The following GSG1L variants were observed in gnomAD, a reference collection of about 807,000 sequenced individuals.
The protein encoded by GSG1L is germ cell-specific gene 1-like protein.
GSG1L carries 24 observed loss-of-function variants against 42.1 expected under a neutral mutation model. The observed-to-expected ratio is 0.57, with a 90% CI of 0.41 to 0.80. GSG1L has a LOEUF of 0.80. Ranked by LOEUF, GSG1L falls within the 30% of genes least tolerant of loss-of-function variation. The probability of loss-of-function intolerance (pLI) is 0.00; values close to 1 mark genes in which losing one functional copy is unlikely to be tolerated. For missense variants in GSG1L, 445 were observed against 472.2 expected (o/e 0.94, Z 0.53); for synonymous variants, 215 against 203.5 (o/e 1.06, Z -0.48).
At chr16:27,819,510 G>T (rs1191630388) in intron 5 of GSG1L, among the ~76,000 whole-genome samples, 1 of 152,166 alleles carries the variant, frequency 6.6e-6, no homozygotes, top group Non-Finnish European at 1.5e-5. Context: ...ACGCCAGGAG[G>T]GAGAACAGAC....
At chr16:27,994,562 A>T (rs1380591744) in intron 1 of GSG1L, among the ~76,000 whole-genome samples, 29 of 152,202 alleles carry the variant, frequency 1.9e-4, no homozygotes, top group Admixed American at 1.9e-3. Flanking sequence ...ATGTGCACAC[A>T]TGCACACACA....
chr16:28,020,315 G>C (rs2085827861), intron 1 of GSG1L, among the ~76,000 whole-genome samples: 1 of 152,124 alleles, frequency 6.6e-6, no homozygotes, highest in Non-Finnish European at 1.5e-5. Flanking sequence ...TTGTTATAAG[G>C]GGTGTCATTC....
At chr16:27,979,824 AAGAGAG>A (rs147059998) in intron 1 of GSG1L, among the ~76,000 whole-genome samples, 49 of 142,752 alleles carry the variant, frequency 3.4e-4, no homozygotes, top group Non-Finnish European at 3.8e-4. Flanking sequence ...AAAAGAAAGA[AAGAGAG>A]AGAGAGAGAG....
intron 2 of GSG1L, among the ~76,000 whole-genome samples, chr16:27,911,018 C>A (rs926809972): frequency 4.7e-5 from 7 of 149,712 alleles, no homozygotes; most frequent in African/African-American, 1.8e-4. Context: ...GTCTAAAAAA[C>A]AACAACAACA....
intron 1 of GSG1L, among the ~76,000 whole-genome samples, chr16:28,062,287 G>A (rs2086350323): frequency 6.6e-6 from 1 of 152,214 alleles, no homozygotes; most frequent in South Asian, 2.1e-4. Flanking sequence ...GGGTAGAGGA[G>A]GGGGTCCAGG....
chr16:27,908,632 T>C (rs1049355740), intron 2 of GSG1L, among the ~76,000 whole-genome samples: 1 of 152,174 alleles, frequency 6.6e-6, no homozygotes, highest in African/African-American at 2.4e-5. Context: ...CCTGCGTCCT[T>C]GCATGGCAGG....
chr16:27,872,505 C>T (rs973577473), intron 3 of GSG1L, among the ~76,000 whole-genome samples: 3 of 152,118 alleles, frequency 2.0e-5, no homozygotes, highest in Non-Finnish European at 4.4e-5. Flanking sequence ...TCCATCTTGA[C>T]GAGGGGCTGG....
chr16:27,938,013 T>C (rs555049585), intron 2 of GSG1L, among the ~76,000 whole-genome samples: 2 of 152,182 alleles, frequency 1.3e-5, no homozygotes, highest in Non-Finnish European at 1.5e-5. Flanking sequence ...ATGAAATCTC[T>C]AGGTCTCCTT....
Position 27,948,056 on chromosome 16 carries a change from C to T in GSG1L, c.397+15100G>A, listed in dbSNP as rs112393125. Among the ~76,000 whole-genome samples, 1,338 of 152,278 alleles carry T rather than the reference C, an allele frequency of 8.8e-3. 20 individuals carry two copies. The highest frequency in any genetic ancestry group is 0.03 in the African/African-American group (1,265 of 41,552). On this transcript the variant is annotated intron_variant, in intron 2 of 6. Coordinates refer to ENST00000447459, the MANE Select transcript of GSG1L (RefSeq NM_001109763.2). ...AGCCCTACCTGGCCGACACTTACCT[C>T]GCCCTTTCCTTTCACTGGATTTCAC...
At chr16:27,810,257 T>C (rs112781197) in intron 5 of GSG1L, among the ~76,000 whole-genome samples, 2,960 of 152,224 alleles carry the variant, frequency 0.019, 72 homozygotes, top group Admixed American at 0.075. Context: ...AGTGGGCAGA[T>C]TGCTTGAGCC....
At chr16:27,866,072 A>G (rs1043074041) in intron 3 of GSG1L, among the ~76,000 whole-genome samples, 3 of 150,260 alleles carry the variant, frequency 2.0e-5, no homozygotes, top group African/African-American at 7.4e-5. Flanking sequence ...GTATCTTTCT[A>G]TTTTCCACCT....
chr16:27,869,477 ATC>A (rs573479880), intron 3 of GSG1L, among the ~76,000 whole-genome samples: 54 of 128,202 alleles, frequency 4.2e-4, no homozygotes, highest in Non-Finnish European at 5.9e-4. Flanking sequence ...GTCTCCCTCC[ATC>A]TCTCTCTCTC....
chr16:27,911,251 C>G (rs933818893), intron 2 of GSG1L, among the ~76,000 whole-genome samples: 1 of 148,310 alleles, frequency 6.7e-6, no homozygotes, highest in Non-Finnish European at 1.5e-5. Flanking sequence ...TCTCTAGCCT[C>G]ATCACCTCTC....
intron 1 of GSG1L, among the ~76,000 whole-genome samples, chr16:27,989,205 C>T (rs1466274007): frequency 1.3e-5 from 2 of 152,086 alleles, no homozygotes; most frequent in African/African-American, 2.4e-5. Context: ...TTTTTGCCAT[C>T]TTTGAGTTAT....
chr16:27,943,568 T>C (rs76822979), intron 2 of GSG1L, among the ~76,000 whole-genome samples: 1 of 84,758 alleles, frequency 1.2e-5, no homozygotes, highest in Non-Finnish European at 2.8e-5. Flanking sequence ...CTTTGTTTCT[T>C]TTTTTTTTTT....
intron 4 of GSG1L, among the ~76,000 whole-genome samples, chr16:27,844,473 C>A (rs964343619): frequency 6.6e-6 from 1 of 152,036 alleles, no homozygotes; most frequent in African/African-American, 2.4e-5. Context: ...AGGCAGGGGT[C>A]GGCAGGGGGT....
intron 3 of GSG1L, among the ~76,000 whole-genome samples, chr16:27,874,195 C>A (rs2083857114): frequency 6.6e-6 from 1 of 152,118 alleles, no homozygotes; most frequent in South Asian, 2.1e-4. Flanking sequence ...TCATGAGGCT[C>A]TTGAATCACA....
intron 1 of GSG1L, among the ~76,000 whole-genome samples, chr16:28,028,936 C>T (rs2085927863): frequency 6.6e-6 from 1 of 152,236 alleles, no homozygotes; most frequent in Non-Finnish European, 1.5e-5. Flanking sequence ...GACCAATAGC[C>T]AGCTAGGCTC....
intron 1 of GSG1L, among the ~76,000 whole-genome samples, chr16:27,980,284 G>C (rs889113627): frequency 6.6e-6 from 1 of 152,178 alleles, no homozygotes; most frequent in East Asian, 1.9e-4. Flanking sequence ...GGGTCACTAA[G>C]GAGCCCAGCA....
Sources: allele counts gnomAD v4.1 joint callset (sites outside exome capture counted in the v4.1 genomes callset), GRCh38; gene constraint gnomAD v4.1.1; transcripts MANE v1.5; gene names NCBI Gene and HGNC (gene_info 2026-07-23, HGNC 2026-07-21).